The following GALNT13 variants were observed in gnomAD, a reference collection of about 807,000 sequenced individuals.
GALNT13 encodes the protein polypeptide N-acetylgalactosaminyltransferase 13.
Under a neutral mutation model 64.2 loss-of-function variants are expected in GALNT13, and 28 were observed. That is an observed-to-expected ratio of 0.44 (90% CI 0.32 to 0.60). The LOEUF (loss-of-function observed/expected upper bound fraction) is 0.60, where lower values mean the gene tolerates loss of function less well. GALNT13 is among the 20% of genes least tolerant of loss of function. GALNT13 has a pLI of 0.05. For missense variants in GALNT13, 577 were observed against 669.8 expected, an observed-to-expected ratio of 0.86 and a Z score of 1.53; for synonymous variants, 214 against 224.6, an observed-to-expected ratio of 0.95 and a Z score of 0.42.
At chr2:153,256,704 C>G in the GALNT13 span, among the ~76,000 whole-genome samples, 168 of 152,162 alleles carry the variant, frequency 1.1e-3, no homozygotes, top group Admixed American at 2.2e-3. Flanking sequence ...TGTTGGAGTA[C>G]CAGGCCGTGT....
the GALNT13 span, among the ~76,000 whole-genome samples, chr2:153,425,470 A>G: frequency 2.0e-5 from 3 of 151,782 alleles, no homozygotes; most frequent in African/African-American, 7.2e-5. Flanking sequence ...TCATTGATAT[A>G]CTGCATTTAG....
At chr2:154,229,888 G>T (rs983269706) in intron 4 of GALNT13, among the ~76,000 whole-genome samples, 1 of 152,102 alleles carries the variant, frequency 6.6e-6, no homozygotes, top group African/African-American at 2.4e-5. Flanking sequence ...TCATTAGGAA[G>T]GAAGAGTCAT....
At chr2:154,138,469 C>G (rs1683073201) in intron 3 of GALNT13, among the ~76,000 whole-genome samples, 1 of 150,574 alleles carries the variant, frequency 6.6e-6, no homozygotes, top group African/African-American at 2.4e-5. Flanking sequence ...TTTAACCATT[C>G]AAAAGAATCA....
At chr2:153,182,473 C>A in the GALNT13 span, among the ~76,000 whole-genome samples, 1 of 152,072 alleles carries the variant, frequency 6.6e-6, no homozygotes, top group African/African-American at 2.4e-5. Flanking sequence ...TTCAGGGGTA[C>A]ATTTGTAGGA....
chr2:153,702,436 A>G, the GALNT13 span, among the ~76,000 whole-genome samples: 2 of 152,148 alleles, frequency 1.3e-5, no homozygotes, highest in Admixed American at 1.3e-4. Context: ...ACAAACCTGC[A>G]CATTCTGCAC....
chr2:153,154,650 G>A, the GALNT13 span, among the ~76,000 whole-genome samples: 1 of 152,248 alleles, frequency 6.6e-6, no homozygotes, highest in South Asian at 2.1e-4. Context: ...CGAGAATGGG[G>A]TTTTCTAGAT....
the GALNT13 span, among the ~76,000 whole-genome samples, chr2:153,207,021 A>G: frequency 1.0e-3 from 155 of 152,178 alleles, 2 homozygotes; most frequent in Admixed American, 2.7e-3. Context: ...TCTTATCATA[A>G]ATTCAATATA....
chr2:153,552,857 C>T, the GALNT13 span, among the ~76,000 whole-genome samples: 3 of 152,052 alleles, frequency 2.0e-5, no homozygotes, highest in African/African-American at 7.2e-5. Context: ...AACCTAGATC[C>T]TTTGCATACA....
intron 11 of GALNT13, among the ~76,000 whole-genome samples, chr2:154,434,022 G>A (rs996067869): frequency 6.6e-6 from 1 of 152,310 alleles, no homozygotes; most frequent in African/African-American, 2.4e-5. Flanking sequence ...CATGCAAACA[G>A]AGAAGGAAGA....
chr2:153,672,557 G>T, the GALNT13 span, among the ~76,000 whole-genome samples: 8 of 152,180 alleles, frequency 5.3e-5, no homozygotes, highest in African/African-American at 1.7e-4. Flanking sequence ...AAAGCAGTGT[G>T]TAGGGGGAAA....
intron 9 of GALNT13, among the ~76,000 whole-genome samples, chr2:154,303,619 C>T (rs1480356292): frequency 1.3e-5 from 2 of 152,086 alleles, no homozygotes; most frequent in Admixed American, 6.5e-5. Flanking sequence ...GTAATTTCAT[C>T]TTAACTCCTA....
chr2:153,795,047 A>G, the GALNT13 span, among the ~76,000 whole-genome samples: 5 of 152,114 alleles, frequency 3.3e-5, no homozygotes, highest in Admixed American at 2.0e-4. Context: ...GGCTAAACAG[A>G]CCTCACAGGT....
At chr2:153,366,128 A>G in the GALNT13 span, among the ~76,000 whole-genome samples, 21 of 152,322 alleles carry the variant, frequency 1.4e-4, no homozygotes, top group African/African-American at 4.8e-4. Context: ...ATCCTCAGCA[A>G]GCTAACAAAG....
intron 9 of GALNT13, among the ~76,000 whole-genome samples, chr2:154,328,439 A>G (rs1190648977): frequency 6.6e-6 from 1 of 152,088 alleles, no homozygotes; most frequent in Non-Finnish European, 1.5e-5. Context: ...GCTGCCAATT[A>G]TGGATATTTG....
the GALNT13 span, among the ~76,000 whole-genome samples, chr2:153,708,164 GA>G: frequency 3.6e-3 from 542 of 149,736 alleles, 2 homozygotes; most frequent in Non-Finnish European, 6.0e-3. Context: ...ATTTTAGAAT[GA>G]AAAAAAAAGT....
the GALNT13 span, among the ~76,000 whole-genome samples, chr2:153,459,761 T>C: frequency 6.6e-6 from 1 of 152,196 alleles, no homozygotes. Context: ...ATGGTATTTA[T>C]AGAAGTTTTG....
At chr2:153,534,517 TC>T in the GALNT13 span, among the ~76,000 whole-genome samples, 196 of 139,422 alleles carry the variant, frequency 1.4e-3, 1 homozygote, top group African/African-American at 5.5e-3. Flanking sequence ...GGCCCCTCTT[TC>T]TTTCTTTCTT....
the GALNT13 span, among the ~76,000 whole-genome samples, chr2:153,489,138 G>C: frequency 3.9e-5 from 6 of 152,206 alleles, 1 homozygote; most frequent in South Asian, 1.2e-3. Context: ...GAGTTGCGGG[G>C]GCTGAGGGGT....
chr2:154,025,160 A>C (rs1056499865), intron 3 of GALNT13, among the ~76,000 whole-genome samples: 1 of 152,124 alleles, frequency 6.6e-6, no homozygotes, highest in East Asian at 1.9e-4. Context: ...TTGAGGAGGC[A>C]GTCTGCCCAT....
Sources: allele counts gnomAD v4.1 joint callset (sites outside exome capture counted in the v4.1 genomes callset), GRCh38; gene constraint gnomAD v4.1.1; transcripts MANE v1.5; gene names NCBI Gene and HGNC (gene_info 2026-07-23, HGNC 2026-07-21).